The following MAGI1 variants were observed in gnomAD, a reference collection of about 807,000 sequenced individuals.
The protein encoded by MAGI1 is membrane associated guanylate kinase, WW and PDZ domain containing 1.
In MAGI1, 58 loss-of-function variants were observed where a neutral mutation model predicts 139.9. The observed-to-expected ratio is 0.41, with a 90% confidence interval of 0.34 to 0.52. The LOEUF (loss-of-function observed/expected upper bound fraction) is 0.52. MAGI1 is among the 20% of genes least tolerant of loss of function. The pLI is 0.12. For synonymous variants in MAGI1, 812 were observed against 737.9 expected (o/e 1.10, Z -1.63); for missense variants, 1,874 against 1,901.6 (o/e 0.99, Z 0.27).
At chr3:65,950,140 T>TTTA (rs1553736826) in intron 1 of MAGI1, among the ~76,000 whole-genome samples, 1 of 148,536 alleles carries the variant, frequency 6.7e-6, no homozygotes, top group East Asian at 1.9e-4. Context: ...TTTTTTTTTT[T>TTTA]ACTTTACAGC....
chr3:65,836,127 G>A (rs2042791770), intron 1 of MAGI1, among the ~76,000 whole-genome samples: 1 of 152,268 alleles, frequency 6.6e-6, no homozygotes, highest in South Asian at 2.1e-4. Context: ...CATTGAGCAG[G>A]TTGTCAGACC....
chr3:65,544,375 C>A (rs143638785), intron 2 of MAGI1, among the ~76,000 whole-genome samples: 488 of 152,158 alleles, frequency 3.2e-3, no homozygotes, highest in African/African-American at 0.011. Context: ...CTGTGGGGAA[C>A]TGGGGGATCT....
intron 1 of MAGI1, among the ~76,000 whole-genome samples, chr3:65,823,790 G>A (rs941297138): frequency 1.8e-4 from 27 of 152,244 alleles, no homozygotes; most frequent in African/African-American, 6.5e-4. Flanking sequence ...TATAAGCACT[G>A]AGGATGCTTC....
intron 1 of MAGI1, among the ~76,000 whole-genome samples, chr3:65,985,816 G>A (rs1269346635): frequency 6.6e-6 from 1 of 152,164 alleles, no homozygotes; most frequent in East Asian, 1.9e-4. Context: ...GAGTTCAGAT[G>A]AAAAGGATAG....
At chr3:65,460,372 G>A (rs1050303601) in intron 5 of MAGI1, among the ~76,000 whole-genome samples, 1 of 152,100 alleles carries the variant, frequency 6.6e-6, no homozygotes, top group Non-Finnish European at 1.5e-5. Flanking sequence ...TAACTGTAGA[G>A]TGTTCTTCCT....
intron 2 of MAGI1, among the ~76,000 whole-genome samples, chr3:65,572,881 T>C (rs547874613): frequency 6.6e-6 from 1 of 151,786 alleles, no homozygotes; most frequent in East Asian, 1.9e-4. Context: ...ATAGGAACAT[T>C]TGATTTGTTT....
Position 65,632,022 on chromosome 3 carries a change from C to A in MAGI1, c.314-9934G>T, listed in dbSNP as rs578111736. On this transcript the variant is annotated intron_variant, in intron 1 of 22. Transcript: ENST00000402939. ...CCGGGGCAACAGAATGAGACTCCGT[C>A]TCAAAAAAAAAAAAACAGATATTTG... 6.8e-5 allele frequency among the ~76,000 whole-genome samples: 9 copies of A among 131,732 alleles called. No homozygotes were observed. In the South Asian group the frequency reaches 2.4e-3, roughly 34 times the overall value. The allele number at this position is 131,732 out of a possible 152,430, so 86.4% of individuals were successfully genotyped here. A position where few individuals can be genotyped will look rare whatever the true frequency, so the allele number is the denominator to read the frequency against.
At chr3:65,638,782 T>C (rs564695326) in intron 1 of MAGI1, among the ~76,000 whole-genome samples, 2 of 151,750 alleles carry the variant, frequency 1.3e-5, no homozygotes, top group African/African-American at 4.8e-5. Context: ...AACTTTTATA[T>C]TTTTAGTAGA....
At chr3:65,769,583 A>G (rs2037778076) in intron 1 of MAGI1, among the ~76,000 whole-genome samples, 1 of 152,198 alleles carries the variant, frequency 6.6e-6, no homozygotes, top group African/African-American at 2.4e-5. Context: ...ACAAGCTGCA[A>G]TTTCACAGCA....
At chr3:65,547,234 T>TA (rs1434581785) in intron 2 of MAGI1, among the ~76,000 whole-genome samples, 1 of 152,202 alleles carries the variant, frequency 6.6e-6, no homozygotes, top group Non-Finnish European at 1.5e-5. Context: ...AGCTGACTCT[T>TA]ACAGTGGCTT....
chr3:65,565,993 C>T (rs1405038682), intron 2 of MAGI1, among the ~76,000 whole-genome samples: 7 of 151,744 alleles, frequency 4.6e-5, no homozygotes, highest in Admixed American at 3.3e-4. Context: ...TGGTGGCTCA[C>T]GCCTATAATC....
rs577232427 is a variant in MAGI1 at position 65,361,040 on chromosome 3, AG to A, written c.3634+158del. 2.2e-5 allele frequency: 33 copies of A among 1,513,330 alleles called. No individual in the cohort carries two copies. The African/African-American group carries it at 3.9e-4, about 18-fold the overall frequency. The allele number at this position is 1,513,330 out of a possible 1,614,324, so 93.7% of individuals were successfully genotyped here. A position where few individuals can be genotyped will look rare whatever the true frequency, so the allele number is the denominator to read the frequency against. ...GCAAGCAAAAGGATGAAATGTGTAG[AG>A]ATTTCAGAACAAGCGAGGCAAATAA... On this transcript the variant is annotated intron_variant, in intron 22 of 22. Transcript: ENST00000402939.
chr3:65,915,713 T>C (rs2061868867), intron 1 of MAGI1, among the ~76,000 whole-genome samples: 1 of 152,172 alleles, frequency 6.6e-6, no homozygotes, highest in Admixed American at 6.6e-5. Context: ...TTCCATATGC[T>C]TTCCTGAAAA....
At chr3:65,376,104 AT>A (rs548798208) in intron 17 of MAGI1, among the ~76,000 whole-genome samples, 159 bp from the exon 18 acceptor site, 2 of 152,350 alleles carry the variant, frequency 1.3e-5, no homozygotes, top group South Asian at 4.1e-4. Flanking sequence ...TGGTCAAAAC[AT>A]TGGCAATACT....
At chr3:66,008,195 C>G (rs990279340) in intron 1 of MAGI1, among the ~76,000 whole-genome samples, 1 of 152,052 alleles carries the variant, frequency 6.6e-6, no homozygotes, top group Non-Finnish European at 1.5e-5. Flanking sequence ...CCATGCCCAG[C>G]CTGGCTCCAT....
In MAGI1 at chr3:65,880,908, C is replaced by CGTGTGTGTGTGTGT. The variant is rs11271375; in HGVS notation, c.313+157074_313+157087dup. Reference sequence around the variant, plus strand: ...TTCATGGGAAATAAAATATCTCTGGCGTGTGTGTGTGTGTGTGTGTGTGTG... The same window carrying CGTGTGTGTGTGTGT: ...TTCATGGGAAATAAAATATCTCTGGCGTGTGTGTGTGTGTGTGTGTGTGTGTGTGTGTGTGTGTG... On this transcript the variant is annotated intron_variant, in intron 1 of 22. Transcript: ENST00000402939. Among the ~76,000 whole-genome samples, 894 of 145,652 alleles carry CGTGTGTGTGTGTGT rather than the reference C, an allele frequency of 6.1e-3. 17 individuals carry two copies. The highest frequency in any genetic ancestry group is 0.02 in the African/African-American group (770 of 39,050).
At chr3:65,810,500 G>A (rs1040012983) in intron 1 of MAGI1, among the ~76,000 whole-genome samples, 1 of 152,262 alleles carries the variant, frequency 6.6e-6, no homozygotes, top group Non-Finnish European at 1.5e-5. Flanking sequence ...CTCCAGACAA[G>A]AAACTCGTAA....
At chr3:65,454,575 A>C (rs892727119) in intron 5 of MAGI1, among the ~76,000 whole-genome samples, 32 of 138,926 alleles carry the variant, frequency 2.3e-4, no homozygotes, top group Non-Finnish European at 7.7e-5. Flanking sequence ...CTTGTTTTAC[A>C]AAAAAAAAAG....
chr3:65,452,567 C>T (rs924694993), intron 6 of MAGI1: 2 of 143,942 alleles, frequency 1.4e-5, no homozygotes, highest in Non-Finnish European at 3.0e-5. Context: ...AAGGGACACA[C>T]TAGCTCTGTT....
Sources: allele counts gnomAD v4.1 joint callset (sites outside exome capture counted in the v4.1 genomes callset), GRCh38; gene constraint gnomAD v4.1.1; transcripts MANE v1.5; gene names NCBI Gene and HGNC (gene_info 2026-07-23, HGNC 2026-07-21).